Variants in SPATA6 observed in about 807,000 individuals in gnomAD.
SPATA6 encodes the protein spermatogenesis associated 6.
A neutral mutation model predicts 65.3 loss-of-function variants in SPATA6; 56 were observed. The observed-to-expected ratio is 0.86, with a 90% confidence interval of 0.69 to 1.07. SPATA6 has a LOEUF of 1.07. Ranked by LOEUF, SPATA6 falls within the 50% of genes least tolerant of loss-of-function variation. The probability of loss-of-function intolerance (pLI) is 0.00; values close to 1 mark genes in which losing one functional copy is unlikely to be tolerated. For synonymous variants in SPATA6, 199 were observed against 213.2 expected, an observed-to-expected ratio of 0.93 and a Z score of 0.58; for missense variants, 590 against 594.8, an observed-to-expected ratio of 0.99 and a Z score of 0.08.
At chr1:48,400,941 A>G (rs551602742) in intron 6 of SPATA6, 2 of 563,784 alleles carry the variant, frequency 3.5e-6, no homozygotes, top group East Asian at 1.1e-4. Flanking sequence ...GAATGTCAGC[A>G]CTAGAAATGA....
intron 11 of SPATA6, among the ~76,000 whole-genome samples, chr1:48,320,743 C>T (rs1645576547): frequency 6.6e-6 from 1 of 152,104 alleles, no homozygotes; most frequent in South Asian, 2.1e-4. Flanking sequence ...CTGTGGCAAA[C>T]TACTTATATC....
At chr1:48,323,501 T>C (rs919645269) in intron 11 of SPATA6, among the ~76,000 whole-genome samples, 16 of 151,866 alleles carry the variant, frequency 1.1e-4, no homozygotes, top group African/African-American at 3.4e-4. Flanking sequence ...AAACCAACAT[T>C]GCACATGTAT....
chr1:48,317,611 A>G (rs578250378), intron 11 of SPATA6, among the ~76,000 whole-genome samples: 3 of 152,242 alleles, frequency 2.0e-5, no homozygotes, highest in South Asian at 2.1e-4. Context: ...ACACCAACAT[A>G]GCACATGTAT....
chr1:48,350,549 T>C (rs1014608765), intron 11 of SPATA6, among the ~76,000 whole-genome samples: 6 of 151,928 alleles, frequency 3.9e-5, no homozygotes, highest in Admixed American at 6.6e-5. Flanking sequence ...CAGTTTTACA[T>C]TGAAGATCTA....
Position 48,453,774 on chromosome 1 carries a change from C to G in SPATA6, c.52-643G>C, listed in dbSNP as rs184774486. Among the ~76,000 whole-genome samples the G allele has an allele frequency of 2.6e-5, 4 of 151,906 alleles. No individual in the cohort carries two copies. In the East Asian group the frequency reaches 7.8e-4, roughly 29 times the overall value. On this transcript the variant is annotated intron_variant, in intron 1 of 12. Coordinates refer to ENST00000371847, the MANE Select transcript of SPATA6 (RefSeq NM_019073.4). ...GATTTTCCCTTGTTTACCATGTGTC[C>G]TCAGTGCCTAGAACAGTCCACAGAA...
intron 3 of SPATA6, chr1:48,436,108 G>A (rs1570570438): frequency 6.2e-7 from 1 of 1,610,060 alleles, no homozygotes; most frequent in African/African-American, 1.3e-5. Flanking sequence ...TAGAGCCAGT[G>A]AAGTACTATG....
At chr1:48,419,269 C>G (rs1165157432) in intron 3 of SPATA6, among the ~76,000 whole-genome samples, 1 of 152,108 alleles carries the variant, frequency 6.6e-6, no homozygotes, top group Admixed American at 6.6e-5. Flanking sequence ...ATAACAGTTC[C>G]TGACCTCAGG....
At chr1:48,283,373 T>C in the SPATA6 span, among the ~76,000 whole-genome samples, 1 of 151,248 alleles carries the variant, frequency 6.6e-6, no homozygotes, top group African/African-American at 2.4e-5. Flanking sequence ...TTAAAAAAGA[T>C]ATTCTGAATT....
chr1:48,337,145 A>G (rs1646083115), intron 11 of SPATA6, among the ~76,000 whole-genome samples: 1 of 151,930 alleles, frequency 6.6e-6, no homozygotes, highest in Admixed American at 6.6e-5. Flanking sequence ...CAAAAATCTT[A>G]GGTATAATAT....
At chr1:48,379,326 T>C (rs576739099) in intron 9 of SPATA6, among the ~76,000 whole-genome samples, 3 of 152,286 alleles carry the variant, frequency 2.0e-5, no homozygotes, top group African/African-American at 7.2e-5. Flanking sequence ...CAGGTGGGAA[T>C]TGTCCATCTC....
intron 3 of SPATA6, among the ~76,000 whole-genome samples, chr1:48,450,395 A>G (rs1431650665): frequency 6.6e-6 from 1 of 151,974 alleles, no homozygotes; most frequent in African/African-American, 2.4e-5. Flanking sequence ...AAAAATAATA[A>G]CCACTAAGTA....
chr1:48,375,920 T>C (rs567655526), intron 9 of SPATA6, among the ~76,000 whole-genome samples: 14 of 152,312 alleles, frequency 9.2e-5, no homozygotes, highest in Non-Finnish European at 2.9e-5. Context: ...CAAAATCTCA[T>C]ACATCCAATG....
At chr1:48,434,198 C>T (rs569363359) in intron 3 of SPATA6, among the ~76,000 whole-genome samples, 4 of 148,054 alleles carry the variant, frequency 2.7e-5, no homozygotes, top group Admixed American at 1.4e-4. Context: ...TTGTTTAACT[C>T]CTTGGATATC....
At chr1:48,426,300 G>A (rs1653833191) in intron 3 of SPATA6, among the ~76,000 whole-genome samples, 1 of 152,112 alleles carries the variant, frequency 6.6e-6, no homozygotes, top group African/African-American at 2.4e-5. Context: ...ACTGGAAAGG[G>A]GTTTGTTCAT....
intron 1 of SPATA6, among the ~76,000 whole-genome samples, chr1:48,466,061 G>T (rs1657784715): frequency 6.6e-6 from 1 of 152,002 alleles, no homozygotes; most frequent in Admixed American, 6.6e-5. Flanking sequence ...AACAAAAGTA[G>T]TCTAGTCAAT....
intron 9 of SPATA6, among the ~76,000 whole-genome samples, chr1:48,367,067 C>G (rs1226919032): frequency 1.3e-5 from 2 of 152,146 alleles, no homozygotes; most frequent in African/African-American, 4.8e-5. Context: ...AGTAGTCATT[C>G]AGGAGCAGGT....
chr1:48,436,420 T>G, intron 3 of SPATA6: 2 of 1,609,058 alleles, frequency 1.2e-6, no homozygotes, highest in Non-Finnish European at 1.7e-6. Context: ...GAGGACCTGT[T>G]TTCCTGAAGG....
chr1:48,438,301 C>G (rs1279660506), intron 3 of SPATA6, among the ~76,000 whole-genome samples: 4 of 152,134 alleles, frequency 2.6e-5, no homozygotes, highest in Non-Finnish European at 5.9e-5. Context: ...GCAGTGAGTA[C>G]CATCGGACCC....
intron 1 of SPATA6, among the ~76,000 whole-genome samples, chr1:48,456,123 G>A (rs1463607426): frequency 2.0e-5 from 3 of 152,196 alleles, no homozygotes; most frequent in Non-Finnish European, 4.4e-5. Context: ...GAGAAAGTTG[G>A]AAGTGAAGGC....
Sources: gnomAD v4.1 joint callset for allele counts (sites outside exome capture counted in the v4.1 genomes callset) on GRCh38, gnomAD v4.1.1 for gene constraint, MANE v1.5 for transcripts, NCBI Gene and HGNC (gene_info 2026-07-23, HGNC 2026-07-21) for gene names.